R3HDM1: variants seen among roughly 807,000 people sequenced by gnomAD.
The protein encoded by R3HDM1 is R3H domain containing 1.
R3HDM1 carries 46 observed loss-of-function variants against 141.1 expected under a neutral mutation model. The observed-to-expected ratio is 0.33, with a 90% confidence interval of 0.26 to 0.42. The LOEUF (loss-of-function observed/expected upper bound fraction) is 0.42, where lower values mean the gene tolerates loss of function less well. Among genes scored for constraint, R3HDM1 ranks in the 10% least tolerant of loss-of-function variants. The probability of loss-of-function intolerance (pLI) is 1.00; values close to 1 mark genes in which losing one functional copy is unlikely to be tolerated. For synonymous variants in R3HDM1, 435 were observed against 472.9 expected (o/e 0.92, Z 1.04); for missense variants, 1,184 against 1,368.3 (o/e 0.87, Z 2.12).
intron 1 of R3HDM1, among the ~76,000 whole-genome samples, chr2:135,541,787 A>AT (rs1313921233): frequency 6.6e-6 from 1 of 151,278 alleles, no homozygotes; most frequent in Admixed American, 6.6e-5. Flanking sequence ...AAGTGAGCAC[A>AT]TGTTGGGAAA....
chr2:135,709,970 G>T lies in R3HDM1; in HGVS notation c.2564-89G>T, dbSNP rs796864596. ...TAATAGTAAAATTTTATTCAGAAAT[G>T]TAAAATTACTACTGTTATCCTAGTG... On this transcript the variant is annotated intron_variant, in intron 22 of 26. Transcript: ENST00000683871. The T allele has an allele frequency of 1.9e-5, 25 of 1,326,728 alleles. 1 individual carries two copies. The African/African-American group carries it at 2.4e-4, about 12-fold the overall frequency. The allele number at this position is 1,326,728 out of a possible 1,614,324, so 82.2% of individuals were successfully genotyped here.
At chr2:135,718,660 T>A (rs926814522) in intron 24 of R3HDM1, among the ~76,000 whole-genome samples, 13 of 152,050 alleles carry the variant, frequency 8.5e-5, no homozygotes, top group African/African-American at 3.1e-4. Context: ...TTTTGTATTT[T>A]CGGTAGAGAC....
At chr2:135,630,158 T>G (rs1003580152) in intron 7 of R3HDM1, among the ~76,000 whole-genome samples, 1 of 150,858 alleles carries the variant, frequency 6.6e-6, no homozygotes, top group Non-Finnish European at 1.5e-5. Context: ...ATGCCTGTAG[T>G]CCCAGCTAAT....
Position 135,531,557 on chromosome 2 carries a change from C to G in R3HDM1, c.-326C>G. The G allele has an allele frequency of 1.0e-6, 1 of 985,948 alleles. No individual in the cohort carries two copies. The highest frequency in any genetic ancestry group is 1.2e-6 in the Non-Finnish European group (1 of 830,066). The allele number at this position is 985,948 out of a possible 1,614,324, so 61.1% of individuals were successfully genotyped here. ...GGGGTTAATTCCCTTTCGTAAGACT[C>G]TTACTTGCACCCACCCAGCCCCGCC... On this transcript the variant is annotated 5_prime_UTR_variant, in exon 1 of 27. Coordinates refer to ENST00000683871, the MANE Select transcript of R3HDM1 (RefSeq NM_001378107.1).
intron 3 of R3HDM1, chr2:135,608,087 G>C: frequency 1.6e-6 from 1 of 609,084 alleles, no homozygotes; most frequent in Non-Finnish European, 2.1e-6. Flanking sequence ...AGGCCAAGGT[G>C]GGCGGGTCAC....
Position 135,564,406 on chromosome 2 carries a change from G to A in R3HDM1, c.-250+32773G>A, listed in dbSNP as rs369214650. On this transcript the variant is annotated intron_variant, in intron 1 of 26. Transcript: ENST00000683871. The stretch of plus-strand genomic sequence containing the variant: ...ACCATCTTGGCTCACTGCAACCTCC[G>A]CCTCCCAGGTTCAAGCGATTCTCCT... Among the ~76,000 whole-genome samples, 10 of 152,232 alleles carry A rather than the reference G, an allele frequency of 6.6e-5. 1 individual carries two copies. The East Asian group carries it at 7.7e-4, about 12-fold the overall frequency.
chr2:135,599,808 G>C (rs549489862), intron 1 of R3HDM1, among the ~76,000 whole-genome samples: 4 of 152,268 alleles, frequency 2.6e-5, no homozygotes, highest in East Asian at 1.9e-4. Context: ...TGGGACGGGG[G>C]ATTACTTGAG....
In R3HDM1 at chr2:135,552,133, A is replaced by T. The variant is rs372692189; in HGVS notation, c.-250+20500A>T. Among the ~76,000 whole-genome samples, 41 of 152,352 alleles carry T rather than the reference A, an allele frequency of 2.7e-4. No homozygotes were observed. The South Asian group carries it at 8.1e-3, about 30-fold the overall frequency. ...TAGTAAAATATATGCTGTAATAATT[A>T]TGAAAGCATACCTACATCTCTTTTA... On this transcript the variant is annotated intron_variant, in intron 1 of 26. Transcript: ENST00000683871.
chr2:135,632,378 C>T (rs1381635957), intron 9 of R3HDM1, among the ~76,000 whole-genome samples: 6 of 151,756 alleles, frequency 4.0e-5, no homozygotes, highest in South Asian at 2.1e-4. Context: ...GTCCGTGACA[C>T]CCTCACATTT....
intron 9 of R3HDM1, 35 bp downstream of exon 9, chr2:135,632,036 TCTAA>T: frequency 2.1e-6 from 3 of 1,430,144 alleles, no homozygotes; most frequent in Non-Finnish European, 2.9e-6. Context: ...ATATTATATA[TCTAA>T]ATAATAATAC....
chr2:135,600,112 T>G (rs1395346185), intron 1 of R3HDM1, among the ~76,000 whole-genome samples: 1 of 143,990 alleles, frequency 6.9e-6, no homozygotes, highest in African/African-American at 2.6e-5. Flanking sequence ...GATTTTTTTT[T>G]TTTTTTTTTT....
At chr2:135,663,857 T>C (rs1262517005) in intron 19 of R3HDM1, among the ~76,000 whole-genome samples, 2 of 152,046 alleles carry the variant, frequency 1.3e-5, no homozygotes, top group East Asian at 1.9e-4. Context: ...TGAAACCCTG[T>C]GTCTACTTTA....
intron 18 of R3HDM1, among the ~76,000 whole-genome samples, chr2:135,660,849 A>AG (rs1190946749): frequency 6.6e-6 from 1 of 151,490 alleles, no homozygotes; most frequent in Non-Finnish European, 1.5e-5. Context: ...CCACCTCAAA[A>AG]AAAAAAAAAA....
chr2:135,616,696 G>C lies in R3HDM1; in HGVS notation c.242G>C (p.Ser81Thr). 1 of 1,609,280 alleles carries C rather than the reference G, an allele frequency of 6.2e-7. No homozygotes were observed. The highest frequency in any genetic ancestry group is 8.5e-7 in the Non-Finnish European group (1 of 1,177,124). Reference sequence around the variant, plus strand: ...AGCTCAAAGTTAAAGCTAGTTCGGAGCCTTGCAGTGTGTGAAGAATCTCCA... The same window carrying C: ...AGCTCAAAGTTAAAGCTAGTTCGGACCCTTGCAGTGTGTGAAGAATCTCCA... ...KSSSKLKLVR[S>T]LAVCEESPPP... The change falls in exon 5 of 27, where the codon AGC (serine) becomes ACC (threonine). Residue 81 changes from serine (S) to threonine (T), a missense_variant. Around this residue, in one of 5 missense-constraint regions of R3HDM1, gnomAD observed 192 missense variants for 215.7 expected, o/e 0.89. Coordinates refer to ENST00000683871, the MANE Select transcript of R3HDM1 (RefSeq NM_001378107.1).
At chr2:135,707,729 C>T (rs1049322840) in intron 21 of R3HDM1, among the ~76,000 whole-genome samples, 4 of 152,178 alleles carry the variant, frequency 2.6e-5, no homozygotes, top group African/African-American at 9.7e-5. Flanking sequence ...TTTCTGTTTT[C>T]CTCAATTTCG....
At chr2:135,634,298 C>T (rs181550651) in intron 9 of R3HDM1, among the ~76,000 whole-genome samples, 12 of 152,142 alleles carry the variant, frequency 7.9e-5, no homozygotes, top group East Asian at 3.9e-4. Flanking sequence ...GAGGCTTTTA[C>T]GTACTTTATT....
At chr2:135,598,560 C>T (rs529155631) in intron 1 of R3HDM1, among the ~76,000 whole-genome samples, 1 of 152,172 alleles carries the variant, frequency 6.6e-6, no homozygotes, top group Non-Finnish European at 1.5e-5. Context: ...GAGCACTAGT[C>T]TGTCCAGTTC....
chr2:135,658,304 T>A (rs1464981115), intron 18 of R3HDM1, among the ~76,000 whole-genome samples: 1 of 152,202 alleles, frequency 6.6e-6, no homozygotes, highest in African/African-American at 2.4e-5. Flanking sequence ...TACCTGAGAC[T>A]ACAAGGCGCG....
At chr2:135,610,639 A>G (rs1454037370) in intron 3 of R3HDM1, among the ~76,000 whole-genome samples, 2 of 152,232 alleles carry the variant, frequency 1.3e-5, no homozygotes, top group East Asian at 3.8e-4. Context: ...TTCTTCGACA[A>G]TGAAGGCAGT....
Sources: allele counts gnomAD v4.1 joint callset (sites outside exome capture counted in the v4.1 genomes callset), GRCh38; gene constraint gnomAD v4.1.1; regional missense constraint gnomAD v4.1.1; transcripts MANE v1.5; gene names NCBI Gene and HGNC (gene_info 2026-07-23, HGNC 2026-07-21).